Variants in TGM6 observed in about 807,000 individuals in gnomAD.
TGM6 encodes the protein transglutaminase 6, also known as protein-glutamine gamma-glutamyltransferase 6.
Under a neutral mutation model 77.5 loss-of-function variants are expected in TGM6, and 74 were observed. That is an observed-to-expected ratio of 0.96 (90% CI 0.79 to 1.16). The LOEUF is 1.16. Among genes scored for constraint, TGM6 ranks in the 50% most tolerant of loss-of-function variants. TGM6 has a pLI of 0.00. For synonymous variants in TGM6, 383 were observed against 378.9 expected (o/e 1.01, Z -0.12); for missense variants, 968 against 940.2 (o/e 1.03, Z -0.39).
intron 1 of TGM6, among the ~76,000 whole-genome samples, chr20:2,392,011 C>T (rs930261981): frequency 6.6e-6 from 1 of 152,206 alleles, no homozygotes; most frequent in Non-Finnish European, 1.5e-5. Context: ...AGTACTCTGG[C>T]AAATAGTTTT....
chr20:2,381,727 G>A (rs182472414), intron 1 of TGM6, among the ~76,000 whole-genome samples: 1 of 152,216 alleles, frequency 6.6e-6, no homozygotes. Context: ...GACCAGCCTG[G>A]GCAATGTGGC....
In TGM6 at chr20:2,403,703, G is replaced by C; in HGVS notation, c.1216G>C (p.Glu406Gln). Residue 406 changes from glutamate (E) to glutamine (Q), a missense_variant, in exon 9 of 13, where the codon GAG becomes CAG. Transcript: ENST00000202625. ...NADYITWLWHEDESRERVYSN... is the reference protein window; with the variant it reads ...NADYITWLWHQDESRERVYSN... ...CGACTACATCACCTGGCTGTGGCAC[G>C]AGGATGAGAGCCGGGAGCGTGTATA... is the stretch of plus-strand genomic sequence containing the variant. 1 of 1,614,196 alleles carries C rather than the reference G, an allele frequency of 6.2e-7. No homozygotes were observed. The highest frequency in any genetic ancestry group is 8.5e-7 in the Non-Finnish European group (1 of 1,180,038).
At chr20:2,408,135 A>G (rs1366176192) in intron 9 of TGM6, among the ~76,000 whole-genome samples, 1 of 152,148 alleles carries the variant, frequency 6.6e-6, no homozygotes, top group Non-Finnish European at 1.5e-5. Context: ...ATGCTGGGCA[A>G]TATTGCTCAG....
rs148889050 is a variant in TGM6, at chr20:2,403,595, G to C, written c.1108G>C (p.Gly370Arg). Residue 370 changes from glycine to arginine, a missense_variant, in exon 9 of 13, where the codon GGC (glycine) becomes CGC (arginine). Physicochemically the swap from Gly to Arg is moderately radical, Grantham distance 125 (BLOSUM62 -2). Transcript: ENST00000202625. ...CTCCTGCCCAGGTGTGTTCCGGTGCGGCCCAGCCTCAGTCACCGCCATCCG... is the reference window on the plus strand; with the variant it reads ...CTCCTGCCCAGGTGTGTTCCGGTGCCGCCCAGCCTCAGTCACCGCCATCCG... ...QEESEGVFRC[G>R]PASVTAIREG... 10 of 1,613,958 alleles carry C rather than the reference G, an allele frequency of 6.2e-6. No homozygotes were observed. The African/African-American group carries it at 9.3e-5, about 15-fold the overall frequency.
intron 12 of TGM6, among the ~76,000 whole-genome samples, chr20:2,431,844 T>C (rs898550664): frequency 1.3e-5 from 2 of 152,120 alleles, no homozygotes; most frequent in African/African-American, 4.8e-5. Context: ...GCTGGTGTTG[T>C]CAGGGAAGGT....
At chr20:2,383,896 A>G (rs1169674278) in intron 1 of TGM6, among the ~76,000 whole-genome samples, 4 of 152,066 alleles carry the variant, frequency 2.6e-5, no homozygotes, top group African/African-American at 9.7e-5. Flanking sequence ...TCATGAGGTC[A>G]GGAGATCGAG....
intron 5 of TGM6, 128 bp downstream of exon 5, chr20:2,398,174 C>A (rs1021260338): frequency 1.3e-6 from 2 of 1,490,360 alleles, no homozygotes; most frequent in East Asian, 2.3e-5. Context: ...ACCAACCACC[C>A]CAAAACTCAG....
chr20:2,425,982 C>G (rs2084885202), intron 10 of TGM6, among the ~76,000 whole-genome samples: 1 of 152,132 alleles, frequency 6.6e-6, no homozygotes, highest in Admixed American at 6.5e-5. Context: ...TACCCATTAT[C>G]CAACTTCTCT....
intron 10 of TGM6, among the ~76,000 whole-genome samples, chr20:2,419,930 TTGTTAGACTG>T (rs2084844387): frequency 6.6e-6 from 1 of 152,214 alleles, no homozygotes; most frequent in Admixed American, 6.5e-5. Context: ...TTTTGGACTT[TTGTTAGACTG>T]TATCACAAAA....
intron 9 of TGM6, among the ~76,000 whole-genome samples, chr20:2,413,984 C>T (rs1171189205): frequency 1.3e-5 from 2 of 152,074 alleles, no homozygotes; most frequent in Non-Finnish European, 2.9e-5. Context: ...ATTTGCAAAT[C>T]ATGTATTGAA....
At chr20:2,403,930 G>A (rs1027071612) in intron 9 of TGM6, 107 bp downstream of exon 9, 17 of 1,562,204 alleles carry the variant, frequency 1.1e-5, no homozygotes, top group East Asian at 4.5e-5. Flanking sequence ...TGTATATGAC[G>A]CTGACAGCAG....
chr20:2,386,794 G>T (rs773470527), intron 1 of TGM6, among the ~76,000 whole-genome samples: 3 of 152,032 alleles, frequency 2.0e-5, no homozygotes, highest in Non-Finnish European at 4.4e-5. Context: ...GAGCTGCTTT[G>T]GGCTGTGGCA....
At chr20:2,419,016 A>T (rs2084838262) in intron 10 of TGM6, among the ~76,000 whole-genome samples, 1 of 152,162 alleles carries the variant, frequency 6.6e-6, no homozygotes, top group South Asian at 2.1e-4. Context: ...AGCGGAGGTT[A>T]AAGGATTTTT....
chr20:2,394,385 G>T, intron 1 of TGM6, 67 bp from the exon 2 acceptor site: 1 of 1,562,646 alleles, frequency 6.4e-7, no homozygotes. Flanking sequence ...ATGAATGGGA[G>T]GACAAGCTCA....
intron 1 of TGM6, among the ~76,000 whole-genome samples, chr20:2,383,291 T>C (rs777979103): frequency 7.1e-4 from 108 of 152,098 alleles, no homozygotes; most frequent in Non-Finnish European, 1.1e-3. Flanking sequence ...AGACAAAGAA[T>C]TGGGGAGGAT....
chr20:2,386,735 T>A (rs761530669), intron 1 of TGM6, among the ~76,000 whole-genome samples: 4 of 152,046 alleles, frequency 2.6e-5, no homozygotes, highest in Non-Finnish European at 5.9e-5. Flanking sequence ...TCCCACCACC[T>A]CCTCTTGCCC....
intron 1 of TGM6, among the ~76,000 whole-genome samples, chr20:2,393,752 C>T (rs1474837645): frequency 6.6e-6 from 1 of 152,076 alleles, no homozygotes; most frequent in Non-Finnish European, 1.5e-5. Flanking sequence ...GTCTCGAGCT[C>T]CTGAGCTTAG....
chr20:2,417,720 T>C, intron 10 of TGM6, 147 bp downstream of exon 10: 2 of 932,578 alleles, frequency 2.1e-6, no homozygotes, highest in East Asian at 2.6e-5. Context: ...CCTTGCCTCT[T>C]GTCCCGACTT....
chr20:2,400,571 C>A, intron 7 of TGM6, 127 bp downstream of exon 7: 1 of 1,407,918 alleles, frequency 7.1e-7, no homozygotes, highest in Non-Finnish European at 9.7e-7. Flanking sequence ...TCTGAGCCGG[C>A]TCTGGAGGGA....
Sources: gnomAD v4.1 joint callset for allele counts (sites outside exome capture counted in the v4.1 genomes callset) on GRCh38, gnomAD v4.1.1 for gene constraint, MANE v1.5 for transcripts, NCBI Gene and HGNC (gene_info 2026-07-23, HGNC 2026-07-21) for gene names.